The following CERKL variants were observed in gnomAD, a reference collection of about 807,000 sequenced individuals.
The protein encoded by CERKL is CERK like autophagy regulator.
In CERKL, 61 loss-of-function variants were observed where a neutral mutation model predicts 63.4. The observed-to-expected ratio is 0.96, with a 90% CI of 0.78 to 1.19. The LOEUF (loss-of-function observed/expected upper bound fraction) is 1.19, where lower values mean the gene tolerates loss of function less well. CERKL is among the 50% of genes most tolerant of loss of function. The pLI is 0.00. For missense variants in CERKL, 675 were observed against 655.5 expected (o/e 1.03, Z -0.33); for synonymous variants, 250 against 230.5 (o/e 1.08, Z -0.77).
At chr2:181,628,711 G>A (rs1194480922) in intron 1 of CERKL, among the ~76,000 whole-genome samples, 3 of 152,092 alleles carry the variant, frequency 2.0e-5, no homozygotes, top group Non-Finnish European at 4.4e-5. Flanking sequence ...ACGTATTTTA[G>A]AATTAGATTT....
chr2:181,559,776 G>A (rs547455039), intron 4 of CERKL, among the ~76,000 whole-genome samples: 9 of 152,266 alleles, frequency 5.9e-5, no homozygotes, highest in African/African-American at 2.2e-4. Context: ...CTGGAGGGTG[G>A]TGACCAAAGG....
At chr2:181,577,729 A>G (rs2105853046) in intron 2 of CERKL, among the ~76,000 whole-genome samples, 1 of 152,252 alleles carries the variant, frequency 6.6e-6, no homozygotes, top group Non-Finnish European at 1.5e-5. Context: ...GGTTTTAGGC[A>G]GTGACATGGG....
chr2:181,550,086 G>T lies in CERKL; in HGVS notation c.821-378C>A, dbSNP rs1025927934. On this transcript the variant is annotated intron_variant, in intron 5 of 12. Transcript: ENST00000410087. The surrounding 1 kb of genome is among the most constrained non-coding windows in gnomAD (Gnocchi z 4.5). ...AATGCCAAAATGAGGTGCCTCTGGG[G>T]AGCAGTGACAAATGCATACATAAAT... Among the ~76,000 whole-genome samples the T allele has an allele frequency of 3.3e-5, 5 of 151,998 alleles. No homozygotes were observed. The highest frequency in any genetic ancestry group is 1.2e-4 in the African/African-American group (5 of 41,366).
At chr2:181,619,049 T>G (rs1048808837) in intron 1 of CERKL, among the ~76,000 whole-genome samples, 2 of 152,248 alleles carry the variant, frequency 1.3e-5, no homozygotes, top group African/African-American at 4.8e-5. Context: ...AAAGCAATTT[T>G]AAATATTTCA....
chr2:181,558,798 T>C lies in CERKL; in HGVS notation c.678-90A>G. 2 of 1,361,808 alleles carry C rather than the reference T, an allele frequency of 1.5e-6. No individual in the cohort carries two copies. The highest frequency in any genetic ancestry group is 1.4e-5 in the African/African-American group (1 of 69,796). 84.4% of individuals were successfully genotyped at this position (1,361,808 alleles called of 1,614,324 possible). A position where few individuals can be genotyped will look rare whatever the true frequency, so the allele number is the denominator to read the frequency against. The stretch of plus-strand genomic sequence containing the variant: ...TCTAGACTTCAAAATAGTTTACTAA[T>C]TTGTAGTCTATGTGCATAACTGCTC... On this transcript the variant is annotated intron_variant, in intron 4 of 12. Transcript: ENST00000410087. This position sits in a 1 kb window ranked among gnomAD's most constrained non-coding sequence, Gnocchi z 4.2.
chr2:181,619,919 G>A (rs1281200156), intron 1 of CERKL, among the ~76,000 whole-genome samples: 1 of 152,184 alleles, frequency 6.6e-6, no homozygotes, highest in Non-Finnish European at 1.5e-5. Context: ...GTAGTAGTGG[G>A]AGAGGTTAGA....
intron 2 of CERKL, among the ~76,000 whole-genome samples, chr2:181,590,050 G>T (rs1441162): frequency 0.23 from 35,039 of 151,514 alleles, 7,555 homozygotes; most frequent in African/African-American, 0.57. Flanking sequence ...TCCAGTTCCT[G>T]GGCGCAAATG....
chr2:181,637,994 T>G (rs755658329), intron 1 of CERKL, among the ~76,000 whole-genome samples: 3 of 152,156 alleles, frequency 2.0e-5, no homozygotes, highest in Non-Finnish European at 2.9e-5. Flanking sequence ...GTTACTCTAT[T>G]GTGTCTACAT....
chr2:181,608,477 A>C (rs1331229023), intron 1 of CERKL, among the ~76,000 whole-genome samples: 1 of 152,112 alleles, frequency 6.6e-6, no homozygotes, highest in Non-Finnish European at 1.5e-5. Flanking sequence ...AGAAAAAATG[A>C]AAGTGATGAA....
intron 2 of CERKL, among the ~76,000 whole-genome samples, chr2:181,582,947 T>C (rs1461460964): frequency 1.3e-5 from 2 of 152,150 alleles, no homozygotes; most frequent in African/African-American, 2.4e-5. Flanking sequence ...GTCTTGCCCA[T>C]CTCACTAAAC....
intron 1 of CERKL, among the ~76,000 whole-genome samples, chr2:181,637,981 G>A (rs1367866236): frequency 6.6e-6 from 1 of 152,048 alleles, no homozygotes; most frequent in Non-Finnish European, 1.5e-5. Flanking sequence ...CAGCATTGGT[G>A]TTGTTACTCT....
rs914598572 is a variant in CERKL at position 181,639,204 on chromosome 2, C to T, written c.238+17565G>A. 4.6e-5 allele frequency among the ~76,000 whole-genome samples: 7 copies of T among 152,198 alleles called. No homozygotes were observed. In the South Asian group the frequency reaches 1.2e-3, roughly 27 times the overall value. ...AATCTTTATCTCCTAGAGATACATG[C>T]TGAGATGCTTACAGATGAAATTATA... is the stretch of plus-strand genomic sequence containing the variant. On this transcript the variant is annotated intron_variant, in intron 1 of 12. Coordinates refer to ENST00000410087, the MANE Select transcript of CERKL (RefSeq NM_201548.5).
intron 5 of CERKL, among the ~76,000 whole-genome samples, chr2:181,555,668 A>G (rs1688170370): frequency 6.6e-6 from 1 of 152,112 alleles, no homozygotes; most frequent in African/African-American, 2.4e-5. Context: ...TCATAGGGAA[A>G]AATATTTTGC....
intron 4 of CERKL, among the ~76,000 whole-genome samples, chr2:181,562,718 T>A (rs1390528769): frequency 6.6e-6 from 1 of 152,186 alleles, no homozygotes; most frequent in Non-Finnish European, 1.5e-5. Context: ...TATATCCTTT[T>A]TCAAAGAGTG....
At chr2:181,649,347 G>C (rs2105537544) in intron 1 of CERKL, among the ~76,000 whole-genome samples, 2 of 152,122 alleles carry the variant, frequency 1.3e-5, no homozygotes, top group Admixed American at 1.3e-4. Context: ...TTCAACAACA[G>C]GATATAACAA....
intron 2 of CERKL, among the ~76,000 whole-genome samples, chr2:181,577,749 G>GT (rs528901695): frequency 7.9e-4 from 120 of 152,232 alleles, no homozygotes; most frequent in African/African-American, 2.6e-3. Context: ...GGTGGAAGAG[G>GT]TAAGAATTGT....
intron 10 of CERKL, among the ~76,000 whole-genome samples, chr2:181,546,638 T>C (rs560350148): frequency 2.0e-5 from 3 of 152,150 alleles, no homozygotes; most frequent in Non-Finnish European, 4.4e-5. Flanking sequence ...ACACTCACGA[T>C]CCTTTCTCCT....
chr2:181,536,739 T>A lies in CERKL; in HGVS notation c.*1445A>T, dbSNP rs542103149. The A allele has an allele frequency of 8.0e-6, 2 of 249,830 alleles. No individual in the cohort carries two copies. Among genetic ancestry groups the A allele is most frequent in the Admixed American group, 1.0e-4 (2 of 19,758 alleles). 15.5% of individuals were successfully genotyped at this position (249,830 alleles called of 1,614,324 possible). ...TATGAGGTTCTATTTTAAATGACTT[T>A]CTGGATTTTAAAAAATTTCTTTAAA... On this transcript the variant is annotated 3_prime_UTR_variant, in exon 13 of 13. Transcript: ENST00000410087.
At chr2:181,556,513 GA>G (rs1183478331) in intron 5 of CERKL, among the ~76,000 whole-genome samples, 1 of 151,758 alleles carries the variant, frequency 6.6e-6, no homozygotes, top group African/African-American at 2.4e-5. Flanking sequence ...TTGTCCTTGT[GA>G]TGGTTTGCTG....
Sources: allele counts gnomAD v4.1 joint callset (sites outside exome capture counted in the v4.1 genomes callset), GRCh38; gene constraint gnomAD v4.1.1; non-coding constraint Gnocchi (gnomAD v3.1); transcripts MANE v1.5; gene names NCBI Gene and HGNC (gene_info 2026-07-23, HGNC 2026-07-21).